The following NAALADL2 variants were observed in gnomAD, a reference collection of about 807,000 sequenced individuals.
NAALADL2 encodes the protein N-acetylated alpha-linked acidic dipeptidase like 2.
Under a neutral mutation model 87.2 loss-of-function variants are expected in NAALADL2, and 76 were observed. That is an observed-to-expected ratio of 0.87 (90% CI 0.72 to 1.05). The LOEUF (loss-of-function observed/expected upper bound fraction) is 1.05, where lower values mean the gene tolerates loss of function less well. NAALADL2 is among the 50% of genes least tolerant of loss of function. NAALADL2 has a pLI of 0.00. For synonymous variants in NAALADL2, 354 were observed against 331.0 expected (o/e 1.07, Z -0.75); for missense variants, 1,089 against 945.8 (o/e 1.15, Z -1.99).
intron 1 of NAALADL2, among the ~76,000 whole-genome samples, chr3:174,953,297 T>TCCTCTCCCCCCCCCCCCCCCCCCCC (rs1740651836): frequency 1.7e-5 from 1 of 59,318 alleles, no homozygotes; most frequent in African/African-American, 7.4e-5. Flanking sequence ...CTTTCTTGCC[T>TCCTCTCCCCCCCCCCCCCCCCCCCC]CCCCTCCCCT....
chr3:174,521,427 G>A (rs1448905096), intron 1 of NAALADL2, among the ~76,000 whole-genome samples: 1 of 151,794 alleles, frequency 6.6e-6, no homozygotes, highest in South Asian at 2.1e-4. Context: ...TTAGCCGGGC[G>A]TGGTGATGCA....
intron 1 of NAALADL2, among the ~76,000 whole-genome samples, chr3:174,871,008 T>C (rs1169503941): frequency 6.6e-6 from 1 of 152,178 alleles, no homozygotes; most frequent in Non-Finnish European, 1.5e-5. Context: ...CCTGACACTT[T>C]TATTGAAGGT....
At chr3:174,771,471 G>A (rs1050922693) in intron 3 of NAALADL2, among the ~76,000 whole-genome samples, 3 of 152,158 alleles carry the variant, frequency 2.0e-5, no homozygotes, top group African/African-American at 7.2e-5. Flanking sequence ...ATGTGCTGAG[G>A]TACAAAGGCA....
At chr3:174,614,657 C>G (rs1370735140) in intron 2 of NAALADL2, among the ~76,000 whole-genome samples, 1 of 152,144 alleles carries the variant, frequency 6.6e-6, no homozygotes, top group East Asian at 1.9e-4. Flanking sequence ...AAACCAGGTA[C>G]TTTGAGCGCT....
chr3:174,764,201 C>G (rs1713468482), intron 3 of NAALADL2, among the ~76,000 whole-genome samples: 1 of 152,210 alleles, frequency 6.6e-6, no homozygotes, highest in African/African-American at 2.4e-5. Context: ...AGTAGAATGA[C>G]CCAATGATAA....
At chr3:174,597,589 G>A (rs1398308125) in intron 2 of NAALADL2, among the ~76,000 whole-genome samples, 3 of 151,902 alleles carry the variant, frequency 2.0e-5, no homozygotes, top group Non-Finnish European at 4.4e-5. Flanking sequence ...TTTTCCTTTC[G>A]CATTTTCATC....
intron 5 of NAALADL2, among the ~76,000 whole-genome samples, chr3:175,381,177 T>C (rs542079139): frequency 5.3e-5 from 8 of 151,648 alleles, no homozygotes; most frequent in Non-Finnish European, 1.0e-4. Flanking sequence ...TTTCTACAGT[T>C]ATTATGGCTG....
chr3:175,178,135 A>G (rs1317471942), intron 2 of NAALADL2, among the ~76,000 whole-genome samples: 3 of 151,940 alleles, frequency 2.0e-5, no homozygotes, highest in African/African-American at 7.2e-5. Context: ...ATACAGTTCT[A>G]TGTCATAATG....
At chr3:174,668,964 T>G (rs1249079376) in intron 2 of NAALADL2, among the ~76,000 whole-genome samples, 1 of 152,164 alleles carries the variant, frequency 6.6e-6, no homozygotes, top group Non-Finnish European at 1.5e-5. Context: ...CAAATGGTAT[T>G]TCTAGTTCTA....
intron 3 of NAALADL2, among the ~76,000 whole-genome samples, chr3:174,798,250 A>G (rs1230830803): frequency 6.6e-6 from 1 of 152,164 alleles, no homozygotes; most frequent in African/African-American, 2.4e-5. Flanking sequence ...TGAATATTGT[A>G]GCTTTGTAGT....
At chr3:175,493,110 T>C (rs1728334975) in intron 9 of NAALADL2, among the ~76,000 whole-genome samples, 2 of 152,068 alleles carry the variant, frequency 1.3e-5, no homozygotes, top group Admixed American at 1.3e-4. Flanking sequence ...TATACACACA[T>C]ATAAATGTTG....
intron 11 of NAALADL2, among the ~76,000 whole-genome samples, chr3:175,632,820 A>G (rs1437765385): frequency 6.6e-6 from 1 of 152,106 alleles, no homozygotes; most frequent in African/African-American, 2.4e-5. Context: ...TAGTTCAGAA[A>G]GAAGTAGGGT....
intron 11 of NAALADL2, among the ~76,000 whole-genome samples, chr3:175,631,410 T>C (rs1284029666): frequency 6.6e-6 from 1 of 151,284 alleles, no homozygotes; most frequent in Non-Finnish European, 1.5e-5. Flanking sequence ...ATGTGAACTG[T>C]GAGTCCTTGA....
chr3:175,267,093 A>G (rs1752056279), intron 4 of NAALADL2, among the ~76,000 whole-genome samples: 1 of 151,662 alleles, frequency 6.6e-6, no homozygotes, highest in Non-Finnish European at 1.5e-5. Context: ...TCTTCCAATT[A>G]TACTATTAAT....
rs1412535539 is a variant in NAALADL2, at chr3:175,131,862, G to C, written c.545+34571G>C. Among the ~76,000 whole-genome samples, 3 of 64,472 alleles carry C rather than the reference G, an allele frequency of 4.7e-5. No individual in the cohort carries two copies. In the South Asian group the frequency reaches 1.5e-3, roughly 32 times the overall value. The allele number at this position is 64,472 out of a possible 152,430, so 42.3% of individuals were successfully genotyped here. A position where few individuals can be genotyped will look rare whatever the true frequency, so the allele number is the denominator to read the frequency against. ...CCCTCCCGGACGGGGCGGCTGGCCG[G>C]GCGGGGTCTGACCCCCCCACCTCCC... is the stretch of plus-strand genomic sequence containing the variant. On this transcript the variant is annotated intron_variant, in intron 2 of 13. Transcript: ENST00000454872.
At chr3:175,773,610 T>C (rs554073841) in intron 13 of NAALADL2, 1 of 152,252 alleles carries the variant, frequency 6.6e-6, no homozygotes, top group African/African-American at 2.4e-5. Context: ...CGTAGCTCTC[T>C]TTCTGGTACA....
intron 1 of NAALADL2, among the ~76,000 whole-genome samples, chr3:175,038,743 G>A (rs898104289): frequency 7.9e-5 from 12 of 151,824 alleles, no homozygotes; most frequent in African/African-American, 2.4e-4. Context: ...GGTTTAGCAC[G>A]TAATATCTAA....
At chr3:175,198,707 C>A (rs949645544) in intron 2 of NAALADL2, among the ~76,000 whole-genome samples, 1 of 151,780 alleles carries the variant, frequency 6.6e-6, no homozygotes, top group Admixed American at 6.6e-5. Flanking sequence ...AGGCTGAAAC[C>A]TTTGGGTATA....
intron 10 of NAALADL2, among the ~76,000 whole-genome samples, chr3:175,621,872 T>C (rs1289124055): frequency 5.3e-5 from 8 of 152,146 alleles, no homozygotes; most frequent in Admixed American, 5.2e-4. Flanking sequence ...AAAGGATAAC[T>C]GTACCTAAGT....
Sources: allele counts gnomAD v4.1 joint callset (sites outside exome capture counted in the v4.1 genomes callset), GRCh38; gene constraint gnomAD v4.1.1; transcripts MANE v1.5; gene names NCBI Gene and HGNC (gene_info 2026-07-23, HGNC 2026-07-21).